The following ASTN2 variants were observed in gnomAD, a reference collection of about 807,000 sequenced individuals.
The protein encoded by ASTN2 is astrotactin 2, also known as astrotactin-2.
In ASTN2, 54 loss-of-function variants were observed where a neutral mutation model predicts 139.8. That is an observed-to-expected ratio of 0.39 (90% confidence interval 0.31 to 0.48). The LOEUF is 0.48. ASTN2 is among the 20% of genes least tolerant of loss of function. The pLI is 0.95. For missense variants in ASTN2, 1,565 were observed against 1,725.1 expected, an observed-to-expected ratio of 0.91 and a Z score of 1.64; for synonymous variants, 756 against 719.5, an observed-to-expected ratio of 1.05 and a Z score of -0.81.
intron 2 of ASTN2, among the ~76,000 whole-genome samples, chr9:117,227,979 G>C (rs1197096540): frequency 6.6e-6 from 1 of 152,110 alleles, no homozygotes; most frequent in Non-Finnish European, 1.5e-5. Context: ...TAGTGAAAGA[G>C]GGTGTCAATA....
intron 11 of ASTN2, among the ~76,000 whole-genome samples, chr9:116,832,142 G>T (rs1255340495): frequency 1.3e-5 from 2 of 151,956 alleles, no homozygotes; most frequent in African/African-American, 4.8e-5. Flanking sequence ...ATGTTCACAT[G>T]TTCATTGCTA....
intron 5 of ASTN2, among the ~76,000 whole-genome samples, chr9:117,065,209 A>C (rs1827900259): frequency 1.3e-5 from 2 of 152,164 alleles, no homozygotes; most frequent in African/African-American, 4.8e-5. Context: ...TTCCAGAAGA[A>C]ACCCACACTG....
chr9:117,062,536 T>C (rs1012530761), intron 5 of ASTN2, among the ~76,000 whole-genome samples: 3 of 152,232 alleles, frequency 2.0e-5, no homozygotes, highest in South Asian at 2.1e-4. Flanking sequence ...TTCCTGGAAA[T>C]GTTAACTATT....
intron 14 of ASTN2, among the ~76,000 whole-genome samples, chr9:116,729,630 C>T (rs1269185982): frequency 6.6e-6 from 1 of 152,170 alleles, no homozygotes; most frequent in Non-Finnish European, 1.5e-5. Context: ...ATACAAACCA[C>T]CTGCAAAGGC....
At chr9:116,705,257 T>C (rs1266570634) in intron 16 of ASTN2, among the ~76,000 whole-genome samples, 1 of 152,144 alleles carries the variant, frequency 6.6e-6, no homozygotes, top group Non-Finnish European at 1.5e-5. Flanking sequence ...GATATATAAA[T>C]GCCATTTAGC....
At chr9:116,724,398 A>G (rs1194482201) in intron 16 of ASTN2, among the ~76,000 whole-genome samples, 1 of 152,178 alleles carries the variant, frequency 6.6e-6, no homozygotes, top group Non-Finnish European at 1.5e-5. Flanking sequence ...GGAAGCAGAA[A>G]GGGCTGAGAG....
rs76399048 is a variant in ASTN2, at chr9:117,240,391, G to A, written c.631-25649C>T. On this transcript the variant is annotated intron_variant, in intron 2 of 22. Transcript: ENST00000313400. ...GGATGGTTGAAAAAGGAGGAACTGAGCCTTGAATAGGATTCTTCCAGGATA... is the reference window on the plus strand; with the variant it reads ...GGATGGTTGAAAAAGGAGGAACTGAACCTTGAATAGGATTCTTCCAGGATA... Among the ~76,000 whole-genome samples, 1,339 of 152,308 alleles carry A rather than the reference G, an allele frequency of 8.8e-3. 28 individuals are homozygous for A. The highest frequency in any genetic ancestry group is 0.031 in the African/African-American group (1,291 of 41,580).
intron 19 of ASTN2, among the ~76,000 whole-genome samples, chr9:116,525,462 G>A (rs1321769875): frequency 6.6e-6 from 1 of 152,104 alleles, no homozygotes; most frequent in Non-Finnish European, 1.5e-5. Context: ...TTCCTCATCG[G>A]CCCTCCCCTC....
In ASTN2 at chr9:117,250,192, A is replaced by G. The variant is rs115459203; in HGVS notation, c.631-35450T>C. 8.4e-3 allele frequency among the ~76,000 whole-genome samples: 1,282 copies of G among 152,330 alleles called. 25 individuals are homozygous for G. The highest frequency in any genetic ancestry group is 0.03 in the African/African-American group (1,237 of 41,576). ...TGATGCAGACATAGGAACTGGCAGA[A>G]CCAGCAATGAATGTGCTAGGCATCA... On this transcript the variant is annotated intron_variant, in intron 2 of 22. Coordinates refer to ENST00000313400, the MANE Select transcript of ASTN2 (RefSeq NM_001365068.1).
At chr9:116,854,004 T>C (rs950404049) in intron 11 of ASTN2, among the ~76,000 whole-genome samples, 1 of 152,190 alleles carries the variant, frequency 6.6e-6, no homozygotes, top group Non-Finnish European at 1.5e-5. Context: ...ATTAGTGATA[T>C]ATATGAATTT....
chr9:117,251,779 C>T (rs1031555920), intron 2 of ASTN2, among the ~76,000 whole-genome samples: 3 of 152,128 alleles, frequency 2.0e-5, no homozygotes, highest in African/African-American at 7.2e-5. Context: ...TGAAAGGCAT[C>T]AGTACTAATT....
intron 10 of ASTN2, among the ~76,000 whole-genome samples, chr9:116,929,008 G>T (rs1307454987): frequency 6.6e-6 from 1 of 152,210 alleles, no homozygotes; most frequent in African/African-American, 2.4e-5. Flanking sequence ...GCCTGTCGTG[G>T]CCTGCATTTC....
At chr9:116,632,850 T>C (rs1470130798) in intron 17 of ASTN2, among the ~76,000 whole-genome samples, 1 of 152,240 alleles carries the variant, frequency 6.6e-6, no homozygotes, top group Admixed American at 6.5e-5. Flanking sequence ...TATGGAATTG[T>C]TATCTATATG....
At chr9:117,333,371 GA>G (rs921143878) in intron 1 of ASTN2, among the ~76,000 whole-genome samples, 11 of 151,764 alleles carry the variant, frequency 7.2e-5, no homozygotes, top group South Asian at 2.1e-4. Flanking sequence ...TAATTTAGAG[GA>G]AAAAAAACCT....
chr9:116,788,780 A>G (rs534914784), intron 13 of ASTN2, among the ~76,000 whole-genome samples: 3 of 152,148 alleles, frequency 2.0e-5, no homozygotes, highest in South Asian at 4.1e-4. Context: ...TTTTTTTTCT[A>G]TGACAAGGGG....
chr9:117,038,165 TCCA>T (rs1448289350), intron 6 of ASTN2, among the ~76,000 whole-genome samples: 207 of 152,284 alleles, frequency 1.4e-3, no homozygotes, highest in African/African-American at 4.7e-3. Context: ...GTGGTAAAAT[TCCA>T]CTTTTCTCTG....
chr9:117,195,545 T>C (rs1167431679), intron 3 of ASTN2, among the ~76,000 whole-genome samples: 1 of 151,930 alleles, frequency 6.6e-6, no homozygotes, highest in Non-Finnish European at 1.5e-5. Context: ...GTCAGGAAGA[T>C]TGATGTGGCT....
intron 5 of ASTN2, among the ~76,000 whole-genome samples, chr9:117,062,303 T>G (rs2132690141): frequency 6.6e-6 from 1 of 152,216 alleles, no homozygotes; most frequent in South Asian, 2.1e-4. Context: ...GGGCCACAAC[T>G]ATCTCTAGAC....
At chr9:116,974,631 C>A (rs1360317607) in intron 10 of ASTN2, among the ~76,000 whole-genome samples, 1 of 151,648 alleles carries the variant, frequency 6.6e-6, no homozygotes, top group Non-Finnish European at 1.5e-5. Context: ...GCCTCATCCT[C>A]CCAAGTAGCT....
Sources: allele counts gnomAD v4.1 joint callset (sites outside exome capture counted in the v4.1 genomes callset), GRCh38; gene constraint gnomAD v4.1.1; transcripts MANE v1.5; gene names NCBI Gene and HGNC (gene_info 2026-07-23, HGNC 2026-07-21).